Variants in STYXL2 observed in about 807,000 individuals in gnomAD.
The protein encoded by STYXL2 is serine/threonine/tyrosine-interacting-like protein 2.
In STYXL2, 44 loss-of-function variants were observed where a neutral mutation model predicts 52.4. The observed-to-expected ratio is 0.84, with a 90% CI of 0.66 to 1.08. The LOEUF is 1.08. STYXL2 is among the 50% of genes least tolerant of loss of function. The probability of loss-of-function intolerance (pLI) is 0.00; values close to 1 mark genes in which losing one functional copy is unlikely to be tolerated. For synonymous variants in STYXL2, 604 were observed against 586.9 expected (o/e 1.03, Z -0.42); for missense variants, 1,604 against 1,471.7 (o/e 1.09, Z -1.47).
At chr1:167,104,317 G>A (rs1472730429) in intron 2 of STYXL2, among the ~76,000 whole-genome samples, 2 of 152,002 alleles carry the variant, frequency 1.3e-5, no homozygotes, top group Admixed American at 6.6e-5. Flanking sequence ...GTCAAAATCC[G>A]TTCCTTGCTT....
chr1:167,127,142 G>A lies in STYXL2; in HGVS notation c.2011G>A (p.Ala671Thr), dbSNP rs140347809. The part of the protein sequence containing the change: ...AFWSADPSVS[A>T]DGDTTSVLST... The stretch of plus-strand genomic sequence containing the variant: ...CTGGTCTGCAGACCCCTCAGTCAGC[G>A]CTGATGGGGACACGACGTCAGTACT... The change falls in exon 6 of 6, where the codon GCT (alanine) becomes ACT (threonine). Residue 671 changes from alanine (A) to threonine (T), a missense_variant. Transcript: ENST00000361200. The A allele has an allele frequency of 1.8e-4, 296 of 1,614,112 alleles. 2 individuals carry two copies. In the African/African-American group the frequency reaches 3.4e-3, roughly 19 times the overall value.
intron 2 of STYXL2, among the ~76,000 whole-genome samples, chr1:167,110,889 G>C (rs1667603495): frequency 6.6e-6 from 1 of 152,120 alleles, no homozygotes; most frequent in Non-Finnish European, 1.5e-5. Context: ...AAAAACCTCA[G>C]CTTTAAGCTA....
At chr1:167,117,699 C>G in intron 4 of STYXL2, 140 bp downstream of exon 4, 1 of 722,970 alleles carries the variant, frequency 1.4e-6, no homozygotes, top group South Asian at 1.9e-5. Flanking sequence ...TTACCCTGCC[C>G]CAGCCCAGAG....
chr1:167,118,779 G>T (rs916227929), intron 4 of STYXL2, among the ~76,000 whole-genome samples: 1 of 152,128 alleles, frequency 6.6e-6, no homozygotes, highest in African/African-American at 2.4e-5. Context: ...CTTCAAATGG[G>T]AATAAAACTA....
Position 167,127,318 on chromosome 1 carries a change from T to C in STYXL2, c.2187T>C (p.Asn729=), listed in dbSNP as rs1667996884. The change falls in exon 6 of 6, where the codon AAT becomes AAC. Residue 729 remains asparagine, a synonymous_variant. Transcript: ENST00000361200. Reference sequence around the variant, plus strand: ...CCAGTATCCAGAACTGGATTGCCAATGTAGTCAGTGAGACCCTTGCTCAGA... The same window carrying C: ...CCAGTATCCAGAACTGGATTGCCAACGTAGTCAGTGAGACCCTTGCTCAGA... The part of the protein sequence containing the change: ...SIASIQNWIA[N]VVSETLAQKQ... 2 of 1,614,176 alleles carry C rather than the reference T, an allele frequency of 1.2e-6. No individual in the cohort carries two copies. Among genetic ancestry groups the C allele is most frequent in the Non-Finnish European group, 1.7e-6 (2 of 1,180,022 alleles).
chr1:167,109,130 G>C (rs1667565391), intron 2 of STYXL2, among the ~76,000 whole-genome samples: 1 of 152,206 alleles, frequency 6.6e-6, no homozygotes, highest in Admixed American at 6.5e-5. Context: ...GCTGAACTTT[G>C]TAATAATTTC....
chr1:167,119,825 G>T (rs1480468046), intron 5 of STYXL2, among the ~76,000 whole-genome samples: 1 of 152,226 alleles, frequency 6.6e-6, no homozygotes. Context: ...TGACTGACTA[G>T]CTCCTTGGAG....
intron 1 of STYXL2, chr1:167,094,547 C>T (rs756121181): frequency 4.8e-5 from 17 of 352,812 alleles, no homozygotes; most frequent in Non-Finnish European, 6.8e-5. Context: ...ATCAGGTAAC[C>T]TGCTGGCTCC....
In STYXL2 at chr1:167,126,801, A is replaced by T. The variant is rs771053710; in HGVS notation, c.1670A>T (p.His557Leu). 6.2e-7 allele frequency: 1 copy of T among 1,614,112 alleles called. No individual in the cohort carries two copies. Among genetic ancestry groups the T allele is most frequent in the Admixed American group, 1.7e-5 (1 of 60,014 alleles). The change falls in exon 6 of 6, where the codon CAC (histidine) becomes CTC (leucine). Residue 557 changes from histidine to leucine, a missense_variant. Transcript: ENST00000361200. ...WKIKRIQFGF[H>L]KKDLGAGDSS... ...ATCAAGAGAATCCAATTTGGATTTC[A>T]CAAGAAAGACTTGGGAGCGGGAGAC...
intron 2 of STYXL2, among the ~76,000 whole-genome samples, chr1:167,096,804 T>A (rs1210600996): frequency 6.6e-6 from 1 of 152,186 alleles, no homozygotes; most frequent in Non-Finnish European, 1.5e-5. Flanking sequence ...AGTCAATCCA[T>A]GTTATCTTTT....
rs143802055 is a variant in STYXL2, at chr1:167,127,247, C to A, written c.2116C>A (p.Pro706Thr). ...GTGTTCAACCTCCAACCCCACCACA[C>A]CCCTGCCTAACCTGCCAGTGGGGCC... ...AGCSTSNPTTPLPNLPVGPGD... is the reference protein window; with the variant it reads ...AGCSTSNPTTTLPNLPVGPGD... Residue 706 changes from proline (P) to threonine (T), a missense_variant, in exon 6 of 6, where the codon CCC (proline) becomes ACC (threonine). By Grantham distance (38) the Pro-to-Thr change is conservative (BLOSUM62 -1). Coordinates refer to ENST00000361200, the MANE Select transcript of STYXL2 (RefSeq NM_001080426.3). 6.6e-5 allele frequency: 106 copies of A among 1,614,080 alleles called. No homozygotes were observed. The African/African-American group carries it at 1.2e-3, about 18-fold the overall frequency.
Position 167,126,886 on chromosome 1 carries a change from C to T in STYXL2, c.1755C>T (p.Ser585=). The T allele has an allele frequency of 6.2e-7, 1 of 1,612,466 alleles. No individual in the cohort carries two copies. ...GGGAGAAGAACCCCTCCGACGTCAG[C>T]CTGACAGCCTACCAGGCCTGGAAGC... ...AVGEKNPSDV[S]LTAYQAWKLK... The change falls in exon 6 of 6, where the codon AGC becomes AGT. Residue 585 remains serine, a synonymous_variant. Coordinates refer to ENST00000361200, the MANE Select transcript of STYXL2 (RefSeq NM_001080426.3).
At position 167,126,923 on chromosome 1, in the gene STYXL2, A is replaced by G; in HGVS notation, c.1792A>G (p.Lys598Glu). ...CCAGGCCTGGAAGCTGAAACACCAG[A>G]AGAAGGTGGGCAGTGAGAACAAGGA... is the stretch of plus-strand genomic sequence containing the variant. ...AYQAWKLKHQ[K>E]KVGSENKEEV... The change falls in exon 6 of 6, where the codon AAG becomes GAG. Residue 598 changes from lysine (K) to glutamate (E), a missense_variant. By Grantham distance (56) the Lys-to-Glu change is moderately conservative. Coordinates refer to ENST00000361200, the MANE Select transcript of STYXL2 (RefSeq NM_001080426.3). 6.2e-7 allele frequency: 1 copy of G among 1,611,792 alleles called. No homozygotes were observed.
At chr1:167,104,339 T>C (rs1667468226) in intron 2 of STYXL2, among the ~76,000 whole-genome samples, 2 of 152,310 alleles carry the variant, frequency 1.3e-5, no homozygotes, top group South Asian at 2.1e-4. Context: ...GGCTTTTAGA[T>C]CTGAACTTTT....
intron 2 of STYXL2, among the ~76,000 whole-genome samples, chr1:167,110,531 A>C (rs918765299): frequency 5.3e-5 from 8 of 152,224 alleles, no homozygotes; most frequent in African/African-American, 1.9e-4. Flanking sequence ...TCAACAACAA[A>C]AAAATCACAA....
rs1483234832 is a variant in STYXL2 at position 167,094,092 on chromosome 1, G to A, written c.-119G>A. On this transcript the variant is annotated 5_prime_UTR_variant, in exon 1 of 6. Transcript: ENST00000361200. Reference sequence around the variant, plus strand: ...CTGCCCCTAGGAGAAGAAGCCCTGAGGAAGGAGGTGGCTGGTTCCTGTCTC... The same window carrying A: ...CTGCCCCTAGGAGAAGAAGCCCTGAAGAAGGAGGTGGCTGGTTCCTGTCTC... 1.3e-5 allele frequency: 2 copies of A among 152,530 alleles called. No homozygotes were observed. Among genetic ancestry groups the A allele is most frequent in the Admixed American group, 1.3e-4 (2 of 15,292 alleles). The allele number at this position is 152,530 out of a possible 1,614,324, so 9.4% of individuals were successfully genotyped here. A position where few individuals can be genotyped will look rare whatever the true frequency, so the allele number is the denominator to read the frequency against.
chr1:167,117,443 C>T lies in STYXL2; in HGVS notation c.321C>T (p.Thr107=). 1 of 1,612,724 alleles carries T rather than the reference C, an allele frequency of 6.2e-7. No individual in the cohort carries two copies. Among genetic ancestry groups the T allele is most frequent in the Non-Finnish European group, 8.5e-7 (1 of 1,179,430 alleles). Residue 107 remains threonine (T), a synonymous_variant, in exon 4 of 6, where the codon ACC becomes ACT. Transcript: ENST00000361200. ...YNRVREKMDD[T]SLYNTPCVLD... is the part of the protein sequence containing the mutation. Reference sequence around the variant, plus strand: ...GCGTCAGGGAGAAGATGGATGACACCAGCCTCTATAATACGCCCTGTGTCC... The same window carrying T: ...GCGTCAGGGAGAAGATGGATGACACTAGCCTCTATAATACGCCCTGTGTCC...
intron 2 of STYXL2, 59 bp downstream of exon 2, chr1:167,095,018 T>A (rs1667254114): frequency 7.4e-7 from 1 of 1,356,484 alleles, no homozygotes; most frequent in Admixed American, 2.1e-5. Flanking sequence ...TGGGGACAGG[T>A]TGGGCCATTA....
At chr1:167,104,691 T>C (rs531532308) in intron 2 of STYXL2, among the ~76,000 whole-genome samples, 1 of 152,352 alleles carries the variant, frequency 6.6e-6, no homozygotes, top group South Asian at 2.1e-4. Flanking sequence ...ACTTCTCTTC[T>C]TCCTTAGAGC....
Sources: gnomAD v4.1 joint callset for allele counts (sites outside exome capture counted in the v4.1 genomes callset) on GRCh38, gnomAD v4.1.1 for gene constraint, MANE v1.5 for transcripts, NCBI Gene and HGNC (gene_info 2026-07-23, HGNC 2026-07-21) for gene names.